PTTG1IP2: variants seen among roughly 807,000 people sequenced by gnomAD.
The protein encoded by PTTG1IP2 is PTTG1IP family member 2.
At chr7:90,495,973 C>T (rs1238546489) in intron 6 of PTTG1IP2, among the ~76,000 whole-genome samples, 1 of 152,136 alleles carries the variant, frequency 6.6e-6, no homozygotes, top group Non-Finnish European at 1.5e-5. Context: ...GGGGGGAGTA[C>T]TCTTTGACCT....
At chr7:90,497,293 A>G (rs1001913565) in intron 6 of PTTG1IP2, among the ~76,000 whole-genome samples, 1 of 152,132 alleles carries the variant, frequency 6.6e-6, no homozygotes, top group Non-Finnish European at 1.5e-5. Flanking sequence ...GGCCGGGCGC[A>G]GTGGCTCATG....
At chr7:90,509,113 CT>C (rs34626171) in intron 6 of PTTG1IP2, among the ~76,000 whole-genome samples, 4,580 of 136,400 alleles carry the variant, frequency 0.034, 202 homozygotes, top group African/African-American at 0.11. Context: ...AATGTGAAGG[CT>C]TTTTTTTTTT....
chr7:90,472,873 G>A (rs2116040952), intron 1 of PTTG1IP2, among the ~76,000 whole-genome samples: 1 of 152,308 alleles, frequency 6.6e-6, no homozygotes, highest in South Asian at 2.1e-4. Context: ...GCAGGTATTA[G>A]GAGGATTACA....
intron 6 of PTTG1IP2, among the ~76,000 whole-genome samples, chr7:90,510,411 G>GA (rs962218684): frequency 9.9e-5 from 15 of 152,010 alleles, no homozygotes; most frequent in African/African-American, 3.4e-4. Context: ...GTGAATGAAT[G>GA]AAAAAAAATG....
intron 6 of PTTG1IP2, among the ~76,000 whole-genome samples, chr7:90,497,743 AAGAAG>A (rs1295106648): frequency 1.7e-4 from 22 of 129,478 alleles, no homozygotes; most frequent in African/African-American, 4.6e-4. Context: ...AAAAAAAAAA[AAGAAG>A]AAGAAGAAGA....
rs551367517 is a variant in PTTG1IP2 at position 90,493,017 on chromosome 7, A to G, written c.451+708A>G. Among the ~76,000 whole-genome samples the G allele has an allele frequency of 6.6e-5, 10 of 152,288 alleles. No homozygotes were observed. The South Asian group carries it at 1.9e-3, about 28-fold the overall frequency. ...CCCAGGTCTGGATCCTGAAAACCCA[A>G]CTGGAGTCAAAATCATGATCTCCCT... On this transcript the variant is annotated intron_variant, in intron 5 of 6. Coordinates refer to ENST00000509356, the MANE Select transcript of PTTG1IP2 (RefSeq NM_001365443.2).
At chr7:90,478,283 C>T (rs571835347) in intron 1 of PTTG1IP2, among the ~76,000 whole-genome samples, 1 of 152,210 alleles carries the variant, frequency 6.6e-6, no homozygotes, top group East Asian at 1.9e-4. Flanking sequence ...AGTCATGTGT[C>T]CTCTGTTTCC....
chr7:90,477,528 C>T (rs777744328), intron 1 of PTTG1IP2, among the ~76,000 whole-genome samples: 3 of 152,136 alleles, frequency 2.0e-5, no homozygotes, highest in South Asian at 4.1e-4. Flanking sequence ...TCAGACAAAT[C>T]CTAGTTGAGG....
chr7:90,490,333 G>A (rs987216781), intron 4 of PTTG1IP2, among the ~76,000 whole-genome samples: 2 of 149,606 alleles, frequency 1.3e-5, no homozygotes, highest in Admixed American at 6.7e-5. Flanking sequence ...CTGTAAATAA[G>A]ATAGACGTGA....
At chr7:90,500,985 G>A (rs551746596) in intron 6 of PTTG1IP2, among the ~76,000 whole-genome samples, 26 of 152,226 alleles carry the variant, frequency 1.7e-4, no homozygotes, top group Non-Finnish European at 2.1e-4. Flanking sequence ...CCTTTACTTC[G>A]TTAGCATTTT....
chr7:90,477,764 G>A (rs1044175691), intron 1 of PTTG1IP2, among the ~76,000 whole-genome samples: 1 of 152,116 alleles, frequency 6.6e-6, no homozygotes, highest in Non-Finnish European at 1.5e-5. Context: ...GCCAGTGTTA[G>A]TTTCTTGGTT....
At chr7:90,500,825 A>G (rs1394616317) in intron 6 of PTTG1IP2, among the ~76,000 whole-genome samples, 2 of 152,214 alleles carry the variant, frequency 1.3e-5, no homozygotes, top group Non-Finnish European at 2.9e-5. Flanking sequence ...GTCTGGAGGT[A>G]TGAGCACCTT....
At chr7:90,499,472 C>G (rs6946589) in intron 6 of PTTG1IP2, among the ~76,000 whole-genome samples, 1 of 152,194 alleles carries the variant, frequency 6.6e-6, no homozygotes. Flanking sequence ...AACTGCAGAA[C>G]AGCATTCACT....
At chr7:90,508,072 A>G (rs927366114) in intron 6 of PTTG1IP2, among the ~76,000 whole-genome samples, 1 of 152,016 alleles carries the variant, frequency 6.6e-6, no homozygotes, top group East Asian at 1.9e-4. Context: ...AGCCTGGACA[A>G]CATGATGAAA....
chr7:90,510,660 A>G (rs901475477), intron 6 of PTTG1IP2, among the ~76,000 whole-genome samples: 8 of 152,248 alleles, frequency 5.3e-5, no homozygotes, highest in African/African-American at 1.9e-4. Context: ...AAGAGGAAGA[A>G]AAGTTTTTGA....
intron 2 of PTTG1IP2, among the ~76,000 whole-genome samples, chr7:90,485,058 A>G (rs1437432171): frequency 6.6e-6 from 1 of 152,168 alleles, no homozygotes; most frequent in Non-Finnish European, 1.5e-5. Flanking sequence ...AGACTACTCC[A>G]GTAGTAGGAA....
intron 3 of PTTG1IP2, among the ~76,000 whole-genome samples, chr7:90,488,425 G>A (rs1366574672): frequency 6.6e-6 from 1 of 151,964 alleles, no homozygotes; most frequent in Non-Finnish European, 1.5e-5. Flanking sequence ...GTTTACAAGG[G>A]GTAGAAATCT....
chr7:90,491,363 C>G (rs781531885), intron 4 of PTTG1IP2, among the ~76,000 whole-genome samples: 10 of 152,170 alleles, frequency 6.6e-5, no homozygotes, highest in Non-Finnish European at 8.8e-5. Context: ...TGGCTCACGC[C>G]CGTAATCCCA....
chr7:90,478,058 C>CTGCATTCCA, intron 1 of PTTG1IP2, among the ~76,000 whole-genome samples: 1 of 136,300 alleles, frequency 7.3e-6, no homozygotes, highest in Non-Finnish European at 1.5e-5. Context: ...GATCGTGCCA[C>CTGCATTCCA]TGCATTCCAG....
Sources: allele counts gnomAD v4.1 joint callset (sites outside exome capture counted in the v4.1 genomes callset), GRCh38; gene constraint gnomAD v4.1.1; transcripts MANE v1.5; gene names NCBI Gene and HGNC (gene_info 2026-07-23, HGNC 2026-07-21).